The following ACAD11 variants were observed in gnomAD, a reference collection of about 807,000 sequenced individuals.
The protein encoded by ACAD11 is acyl-CoA dehydrogenase family member 11.
ACAD11 carries 83 observed loss-of-function variants against 102.2 expected under a neutral mutation model. The observed-to-expected ratio is 0.81, with a 90% CI of 0.68 to 0.97. The LOEUF (loss-of-function observed/expected upper bound fraction) is 0.97. Among genes scored for constraint, ACAD11 ranks in the 50% least tolerant of loss-of-function variants. The pLI, the probability that ACAD11 is intolerant of heterozygous loss-of-function variation, is 0.00. For synonymous variants in ACAD11, 324 were observed against 319.8 expected (o/e 1.01, Z -0.14); for missense variants, 901 against 951.7 (o/e 0.95, Z 0.70).
Position 132,639,492 on chromosome 3 carries a change from C to T in ACAD11, c.702G>A (p.Glu234=), listed in dbSNP as rs1173317425. Residue 234 remains glutamate, a splice_region_variant and synonymous_variant, in exon 5 of 20, where the codon GAG becomes GAA. Transcript: ENST00000264990. ...RLDNIVFHPK[E]CRVIAVLDWE... is the part of the protein sequence containing the mutation. Reference sequence around the variant, plus strand: ...TAATTGTAAACATAGCTAACTGTACCTCTTTAGGGTGGAAAACTATGTTAT... The same window carrying T: ...TAATTGTAAACATAGCTAACTGTACTTCTTTAGGGTGGAAAACTATGTTAT... The T allele has an allele frequency of 3.1e-6, 5 of 1,611,180 alleles. No homozygotes were observed. The Admixed American group carries it at 5.1e-5, about 16-fold the overall frequency.
chr3:132,563,729 G>T (rs1218345373), intron 17 of ACAD11, among the ~76,000 whole-genome samples: 10 of 152,092 alleles, frequency 6.6e-5, no homozygotes, highest in Admixed American at 6.5e-4. Flanking sequence ...TCTACAAGCA[G>T]GCCCAGTTTT....
chr3:132,630,296 T>C lies in ACAD11; in HGVS notation c.963+141A>G, dbSNP rs552181249. ...CTATTCTGTAAATTCTGGATTTATATTTTACCTATGTCTGATACCTGTCAT... is the reference window on the plus strand; with the variant it reads ...CTATTCTGTAAATTCTGGATTTATACTTTACCTATGTCTGATACCTGTCAT... On this transcript the variant is annotated intron_variant, in intron 7 of 19. Coordinates refer to ENST00000264990, the MANE Select transcript of ACAD11 (RefSeq NM_032169.5). The C allele has an allele frequency of 1.2e-5, 11 of 946,144 alleles. No homozygotes were observed. In the South Asian group the frequency reaches 4.1e-4, roughly 35 times the overall value. The allele number at this position is 946,144 out of a possible 1,614,324, so 58.6% of individuals were successfully genotyped here. A position where few individuals can be genotyped will look rare whatever the true frequency, so the allele number is the denominator to read the frequency against.
intron 9 of ACAD11, chr3:132,621,192 C>A (rs1475006880): frequency 6.6e-6 from 1 of 152,074 alleles, no homozygotes; most frequent in East Asian, 1.9e-4. Flanking sequence ...CCAATGAAGC[C>A]AGAGCATAGT....
intron 2 of ACAD11, among the ~76,000 whole-genome samples, chr3:132,644,483 T>C (rs1576618930): frequency 6.6e-6 from 1 of 152,150 alleles, no homozygotes; most frequent in African/African-American, 2.4e-5. Context: ...AAACAAAATA[T>C]CTACAGATGA....
At chr3:132,588,972 T>C (rs1050122205) in intron 13 of ACAD11, among the ~76,000 whole-genome samples, 1 of 152,084 alleles carries the variant, frequency 6.6e-6, no homozygotes, top group Non-Finnish European at 1.5e-5. Context: ...CCCAAGCTGA[T>C]TTTATGTGGA....
chr3:132,590,218 T>C (rs867853383), intron 13 of ACAD11, among the ~76,000 whole-genome samples: 2 of 152,162 alleles, frequency 1.3e-5, no homozygotes, highest in South Asian at 2.1e-4. Flanking sequence ...TACCCAGTAA[T>C]GGGATTGCTG....
chr3:132,630,316 T>G (rs528375649), intron 7 of ACAD11, 121 bp downstream of exon 7: 1 of 1,100,626 alleles, frequency 9.1e-7, no homozygotes, highest in African/African-American at 1.6e-5. Flanking sequence ...GTCTGATACC[T>G]GTCATTATGA....
intron 5 of ACAD11, among the ~76,000 whole-genome samples, chr3:132,634,892 C>G (rs1215526106): frequency 1.3e-5 from 1 of 78,954 alleles, no homozygotes. Flanking sequence ...ACATCACACA[C>G]TGGGGCCTGT....
chr3:132,639,597 T>C lies in ACAD11; in HGVS notation c.597A>G (p.Gln199=), dbSNP rs762882778. The part of the protein sequence containing the change: ...AAAHQDIPAM[Q]QLSEWLMKNL... ...TCTTCATTAGCCACTCCGATAGCTG[T>C]TGCATGGCAGGGATGTCCTGATGAG... Residue 199 remains glutamine (Q), a synonymous_variant, in exon 5 of 20, where the codon CAA becomes CAG. Coordinates refer to ENST00000264990, the MANE Select transcript of ACAD11 (RefSeq NM_032169.5). The C allele has an allele frequency of 6.2e-7, 1 of 1,613,836 alleles. No individual in the cohort carries two copies. Among genetic ancestry groups the C allele is most frequent in the South Asian group, 1.1e-5 (1 of 90,968 alleles).
intron 17 of ACAD11, among the ~76,000 whole-genome samples, chr3:132,566,633 G>C (rs1937221475): frequency 6.6e-6 from 1 of 152,116 alleles, no homozygotes; most frequent in African/African-American, 2.4e-5. Context: ...GAAGGAAGCA[G>C]CACAATATTT....
At chr3:132,650,959 G>A (rs1559979155) in intron 1 of ACAD11, among the ~76,000 whole-genome samples, 1 of 152,006 alleles carries the variant, frequency 6.6e-6, no homozygotes, top group Non-Finnish European at 1.5e-5. Context: ...TCCTTCCACT[G>A]TGCCCCTGGA....
At chr3:132,638,034 T>C (rs1475280406) in intron 5 of ACAD11, among the ~76,000 whole-genome samples, 3 of 152,170 alleles carry the variant, frequency 2.0e-5, no homozygotes, top group Admixed American at 2.0e-4. Context: ...CATTTACTTA[T>C]ACCCTAATAT....
At chr3:132,646,482 A>AT (rs1559976790) in intron 1 of ACAD11, 1 of 152,248 alleles carries the variant, frequency 6.6e-6, no homozygotes, top group Non-Finnish European at 1.5e-5. Flanking sequence ...CTCTAGTCTT[A>AT]TATAAAGCAC....
chr3:132,592,021 T>C (rs1938103550), intron 13 of ACAD11, among the ~76,000 whole-genome samples: 1 of 152,158 alleles, frequency 6.6e-6, no homozygotes, highest in African/African-American at 2.4e-5. Context: ...TCTTCCTCAA[T>C]CTTATATGGA....
At chr3:132,591,605 G>A (rs963855856) in intron 13 of ACAD11, among the ~76,000 whole-genome samples, 4 of 152,042 alleles carry the variant, frequency 2.6e-5, no homozygotes, top group African/African-American at 9.7e-5. Flanking sequence ...ATTTAAAAAT[G>A]TTGGCCGGGC....
chr3:132,616,913 T>C (rs1337979591), intron 11 of ACAD11, among the ~76,000 whole-genome samples: 2 of 152,328 alleles, frequency 1.3e-5, no homozygotes, highest in South Asian at 2.1e-4. Flanking sequence ...GTTCAACCAT[T>C]ATCAGAAATC....
intron 1 of ACAD11, among the ~76,000 whole-genome samples, chr3:132,653,883 C>T (rs1395595887): frequency 1.3e-5 from 2 of 152,174 alleles, no homozygotes; most frequent in Non-Finnish European, 2.9e-5. Flanking sequence ...TAAGTAAGAC[C>T]TTCGATCTTA....
At chr3:132,642,935 A>G in intron 2 of ACAD11, 133 bp from the exon 3 acceptor site, 1 of 825,402 alleles carries the variant, frequency 1.2e-6, no homozygotes, top group South Asian at 1.7e-5. Context: ...TCCAGAGGAT[A>G]ATAGTAATAA....
At chr3:132,585,618 T>G (rs1189973086) in intron 13 of ACAD11, among the ~76,000 whole-genome samples, 5 of 152,116 alleles carry the variant, frequency 3.3e-5, no homozygotes, top group Non-Finnish European at 7.3e-5. Flanking sequence ...ATCCAGAATC[T>G]ACAATGAACT....
Sources: allele counts gnomAD v4.1 joint callset (sites outside exome capture counted in the v4.1 genomes callset), GRCh38; gene constraint gnomAD v4.1.1; transcripts MANE v1.5; gene names NCBI Gene and HGNC (gene_info 2026-07-23, HGNC 2026-07-21).